The following EPHA6 variants were observed in gnomAD, a reference collection of about 807,000 sequenced individuals.
EPHA6 encodes the protein EPH receptor A6.
A neutral mutation model predicts 112.0 loss-of-function variants in EPHA6; 50 were observed. That is an observed-to-expected ratio of 0.45 (90% CI 0.36 to 0.56). The LOEUF (loss-of-function observed/expected upper bound fraction) is 0.56. Ranked by LOEUF, EPHA6 falls within the 20% of genes least tolerant of loss-of-function variation. EPHA6 has a pLI of 0.00. For synonymous variants in EPHA6, 529 were observed against 490.7 expected (o/e 1.08, Z -1.03); for missense variants, 1,280 against 1,417.4 (o/e 0.90, Z 1.56).
intron 14 of EPHA6, among the ~76,000 whole-genome samples, chr3:97,675,330 A>C (rs1160045800): frequency 6.6e-6 from 1 of 152,034 alleles, no homozygotes; most frequent in Non-Finnish European, 1.5e-5. Flanking sequence ...AATACAAAAA[A>C]TTAGCCAGGC....
At chr3:96,957,634 C>G in intron 2 of EPHA6, among the ~76,000 whole-genome samples, 1 of 152,152 alleles carries the variant, frequency 6.6e-6, no homozygotes, top group South Asian at 2.1e-4. Context: ...ACATAATCAA[C>G]TCACATTGGA....
intron 2 of EPHA6, among the ~76,000 whole-genome samples, chr3:96,923,880 A>G (rs2039901348): frequency 6.6e-6 from 1 of 152,178 alleles, no homozygotes; most frequent in Non-Finnish European, 1.5e-5. Flanking sequence ...CATTTATTAA[A>G]TAAGGAATCT....
At chr3:97,619,187 C>T (rs2093792004) in intron 13 of EPHA6, among the ~76,000 whole-genome samples, 1 of 151,980 alleles carries the variant, frequency 6.6e-6, no homozygotes, top group South Asian at 2.1e-4. Context: ...TCAATAGATG[C>T]AGAAAAGGCT....
rs1400899570 is a variant in EPHA6 at position 97,748,524 on chromosome 3, TC to T, written c.3279-62del. 3.0e-5 allele frequency: 23 copies of T among 779,646 alleles called. No homozygotes were observed. In the East Asian group the frequency reaches 6.1e-4, roughly 21 times the overall value. 48.3% of individuals were successfully genotyped at this position (779,646 alleles called of 1,614,324 possible). A position where few individuals can be genotyped will look rare whatever the true frequency, so the allele number is the denominator to read the frequency against. On this transcript the variant is annotated intron_variant, in intron 17 of 17. Coordinates refer to ENST00000389672, the MANE Select transcript of EPHA6 (RefSeq NM_001080448.3). ...TGAATGTTCATATTCTGTATCTCTCTCTCTCTCTCTCTCTTTCTTGCTCTCA... is the reference window on the plus strand; with the variant it reads ...TGAATGTTCATATTCTGTATCTCTCTTCTCTCTCTCTCTTTCTTGCTCTCA...
At chr3:97,538,981 CTCTT>C (rs796705721) in intron 11 of EPHA6, among the ~76,000 whole-genome samples, 24,342 of 130,024 alleles carry the variant, frequency 0.19, 2,076 homozygotes, top group South Asian at 0.26. Context: ...CACTTTCTCT[CTCTT>C]TCTTTCTTTC....
chr3:97,569,921 T>C (rs2093314716), intron 11 of EPHA6: 1 of 152,200 alleles, frequency 6.6e-6, no homozygotes, highest in African/African-American at 2.4e-5. Context: ...TCTCTGTGTA[T>C]AGGATGAAGA....
chr3:96,910,414 C>T (rs1490703591), intron 2 of EPHA6, among the ~76,000 whole-genome samples: 1 of 152,006 alleles, frequency 6.6e-6, no homozygotes, highest in Non-Finnish European at 1.5e-5. Context: ...CATAATGATG[C>T]CTTAAAATTA....
intron 10 of EPHA6, among the ~76,000 whole-genome samples, chr3:97,485,590 T>G (rs1577544953): frequency 6.6e-6 from 1 of 152,298 alleles, no homozygotes. Flanking sequence ...GTTCATAATC[T>G]TTATGTTCTC....
chr3:97,739,820 G>A (rs1223513694), intron 16 of EPHA6, among the ~76,000 whole-genome samples: 1 of 152,094 alleles, frequency 6.6e-6, no homozygotes, highest in East Asian at 1.9e-4. Flanking sequence ...CAGAACCACT[G>A]TATTAATATA....
At chr3:97,448,028 T>G (rs2305894) in intron 6 of EPHA6, among the ~76,000 whole-genome samples, 4 of 152,078 alleles carry the variant, frequency 2.6e-5, no homozygotes, top group Non-Finnish European at 5.9e-5. Flanking sequence ...GTTTTACTAC[T>G]GGGGAAACAC....
chr3:97,544,614 T>G (rs1466334314), intron 11 of EPHA6, among the ~76,000 whole-genome samples: 1 of 152,136 alleles, frequency 6.6e-6, no homozygotes, highest in Non-Finnish European at 1.5e-5. Context: ...ATAAAATGAG[T>G]TAGGGAGGAT....
chr3:97,014,288 A>G (rs890957900), intron 3 of EPHA6, among the ~76,000 whole-genome samples: 2 of 151,526 alleles, frequency 1.3e-5, no homozygotes, highest in Non-Finnish European at 2.9e-5. Context: ...TCAGAATTTT[A>G]CTTCCTTCCT....
At chr3:96,978,786 T>A (rs1342472032) in intron 2 of EPHA6, among the ~76,000 whole-genome samples, 2 of 152,218 alleles carry the variant, frequency 1.3e-5, no homozygotes. Flanking sequence ...TATTTTGTAC[T>A]TCTATATTTC....
intron 3 of EPHA6, among the ~76,000 whole-genome samples, chr3:97,059,489 A>G (rs934206116): frequency 2.0e-5 from 3 of 152,208 alleles, no homozygotes; most frequent in Admixed American, 6.5e-5. Context: ...GAATGAATAA[A>G]TTATTTCAGA....
chr3:97,610,906 T>C (rs1576065927), intron 13 of EPHA6, 52 bp downstream of exon 13: 2 of 1,336,268 alleles, frequency 1.5e-6, no homozygotes, highest in East Asian at 2.3e-5. Flanking sequence ...CAGTTCTATA[T>C]TTAAATCATT....
chr3:96,990,679 A>G (rs776343129), intron 3 of EPHA6, among the ~76,000 whole-genome samples: 3 of 152,142 alleles, frequency 2.0e-5, no homozygotes, highest in Non-Finnish European at 2.9e-5. Context: ...TTTTAAAGAT[A>G]TATATAGTGC....
intron 12 of EPHA6, among the ~76,000 whole-genome samples, chr3:97,605,681 A>T (rs2093675629): frequency 6.6e-6 from 1 of 151,396 alleles, no homozygotes; most frequent in Non-Finnish European, 1.5e-5. Flanking sequence ...TTGGGTAATG[A>T]TATACCTCCA....
At chr3:97,050,907 C>T (rs962248947) in intron 3 of EPHA6, among the ~76,000 whole-genome samples, 6 of 152,120 alleles carry the variant, frequency 3.9e-5, no homozygotes, top group African/African-American at 1.2e-4. Context: ...TGATTCTCAG[C>T]ATAACCTTGG....
chr3:96,892,990 G>C (rs1575948280), intron 2 of EPHA6, among the ~76,000 whole-genome samples: 1 of 151,182 alleles, frequency 6.6e-6, no homozygotes, highest in East Asian at 1.9e-4. Context: ...GTTCGTGTGT[G>C]TGTGTGTGCG....
Sources: allele counts gnomAD v4.1 joint callset (sites outside exome capture counted in the v4.1 genomes callset), GRCh38; gene constraint gnomAD v4.1.1; transcripts MANE v1.5; gene names NCBI Gene and HGNC (gene_info 2026-07-23, HGNC 2026-07-21).